COP1: variants seen among roughly 807,000 people sequenced by gnomAD.
COP1 encodes E3 ubiquitin-protein ligase COP1.
A neutral mutation model predicts 101.3 loss-of-function variants in COP1; 24 were observed. That is an observed-to-expected ratio of 0.24 (90% CI 0.17 to 0.33). The LOEUF is 0.33. COP1 is among the 10% of genes least tolerant of loss of function. COP1 has a pLI of 1.00. For synonymous variants in COP1, 347 were observed against 341.9 expected (o/e 1.01, Z -0.17); for missense variants, 663 against 906.2 (o/e 0.73, Z 3.45).
At chr1:176,118,397 A>G (rs1686563672) in intron 8 of COP1, among the ~76,000 whole-genome samples, 1 of 152,194 alleles carries the variant, frequency 6.6e-6, no homozygotes, top group Non-Finnish European at 1.5e-5. Flanking sequence ...AATTACACGA[A>G]AGAAAGAAGT....
chr1:175,979,302 T>C (rs1655265887), intron 18 of COP1, among the ~76,000 whole-genome samples: 2 of 152,162 alleles, frequency 1.3e-5, no homozygotes, highest in Admixed American at 1.3e-4. Flanking sequence ...ACCACTGGTA[T>C]AAATAAATTT....
intron 1 of COP1, among the ~76,000 whole-genome samples, chr1:176,194,365 C>T (rs1055797479): frequency 2.6e-5 from 4 of 152,136 alleles, no homozygotes; most frequent in East Asian, 1.9e-4. Context: ...GTTGGCTGGG[C>T]GCAGTGGCTC....
intron 19 of COP1, among the ~76,000 whole-genome samples, chr1:175,946,457 G>A (rs1396511641): frequency 1.3e-5 from 2 of 152,158 alleles, no homozygotes; most frequent in African/African-American, 2.4e-5. Context: ...CACACGTTAT[G>A]TTAAAAAACT....
At chr1:176,080,771 G>A (rs1207786234) in intron 11 of COP1, among the ~76,000 whole-genome samples, 1 of 152,138 alleles carries the variant, frequency 6.6e-6, no homozygotes, top group African/African-American at 2.4e-5. Context: ...TGAATTGGTA[G>A]TTAAAATTCT....
chr1:176,135,600 T>C (rs1689672159), intron 7 of COP1, among the ~76,000 whole-genome samples: 1 of 152,056 alleles, frequency 6.6e-6, no homozygotes, highest in Non-Finnish European at 1.5e-5. Flanking sequence ...ATATCAGCTT[T>C]GTTTAATAAT....
At chr1:176,114,229 A>G (rs997670026) in intron 9 of COP1, among the ~76,000 whole-genome samples, 10 of 152,134 alleles carry the variant, frequency 6.6e-5, no homozygotes, top group Non-Finnish European at 1.2e-4. Flanking sequence ...ATTATGTCTT[A>G]CAAAAAGACT....
chr1:176,049,590 C>A (rs1274314710), intron 11 of COP1, among the ~76,000 whole-genome samples: 1 of 151,782 alleles, frequency 6.6e-6, no homozygotes, highest in Non-Finnish European at 1.5e-5. Flanking sequence ...CTCAAACCAC[C>A]TTTTTTAGTG....
Position 176,135,051 on chromosome 1 carries a change from A to G in COP1, c.927T>C (p.Asp309=), listed in dbSNP as rs1276443286. 1.9e-5 allele frequency: 31 copies of G among 1,611,000 alleles called. No homozygotes were observed. The highest frequency in any genetic ancestry group is 2.5e-5 in the Non-Finnish European group (29 of 1,177,754). ...GAGCTTCAAATTGAGGCACTGTGCT[A>G]TCCTCACTGACAGGAGAGTATAAGC... ...MSGLYSPVSE[D]STVPQFEAPS... The change falls in exon 8 of 20, where the codon GAT becomes GAC. Residue 309 remains aspartate, a synonymous_variant. Transcript: ENST00000367669.
intron 19 of COP1, among the ~76,000 whole-genome samples, chr1:175,945,769 C>T (rs1649092617): frequency 6.6e-6 from 1 of 152,200 alleles, no homozygotes. Context: ...AGTTATGAGA[C>T]ACTGTCAAAA....
intron 15 of COP1, among the ~76,000 whole-genome samples, chr1:176,015,725 T>C (rs911083771): frequency 4.0e-5 from 6 of 151,886 alleles, no homozygotes; most frequent in African/African-American, 1.4e-4. Context: ...ATGGAAGAAA[T>C]AGAGGAGTGG....
At chr1:176,063,412 T>C (rs968967193) in intron 11 of COP1, among the ~76,000 whole-genome samples, 1 of 152,334 alleles carries the variant, frequency 6.6e-6, no homozygotes, top group Admixed American at 6.5e-5. Context: ...AAATTCAAAC[T>C]TTATGCTTTA....
At chr1:176,080,439 G>A (rs1207425984) in intron 11 of COP1, among the ~76,000 whole-genome samples, 1 of 151,976 alleles carries the variant, frequency 6.6e-6, no homozygotes, top group Non-Finnish European at 1.5e-5. Flanking sequence ...AATGATAACA[G>A]AAAACAAAAA....
intron 18 of COP1, among the ~76,000 whole-genome samples, chr1:175,951,275 T>C (rs1362116007): frequency 1.3e-5 from 2 of 149,860 alleles, no homozygotes; most frequent in Non-Finnish European, 3.0e-5. Context: ...AATAAATATA[T>C]AAAATATAAT....
intron 5 of COP1, among the ~76,000 whole-genome samples, chr1:176,151,815 G>A (rs551147085): frequency 6.6e-6 from 1 of 152,172 alleles, no homozygotes; most frequent in South Asian, 2.1e-4. Flanking sequence ...AATAACTAAT[G>A]TAACTGATTT....
Position 176,010,166 on chromosome 1 carries a change from GTCTC to G in COP1, c.1729+17402_1729+17405del, listed in dbSNP as rs142428186. Among the ~76,000 whole-genome samples the G allele has an allele frequency of 3.1e-3, 458 of 150,130 alleles. 2 individuals are homozygous for G. The highest frequency in any genetic ancestry group is 0.01 in the African/African-American group (430 of 41,254). ...ACACCCCAAACACACACCGCCTCTT[GTCTC>G]TCTCTCTCTCTGCCCCCTGTACCGC... On this transcript the variant is annotated intron_variant, in intron 15 of 19. Coordinates refer to ENST00000367669, the MANE Select transcript of COP1 (RefSeq NM_022457.7).
At chr1:175,957,680 G>A (rs1299654344) in intron 18 of COP1, among the ~76,000 whole-genome samples, 1 of 152,056 alleles carries the variant, frequency 6.6e-6, no homozygotes, top group Non-Finnish European at 1.5e-5. Context: ...GCCACTCCTA[G>A]GTATTTATCC....
rs975525533 is a variant in COP1 at position 176,004,859 on chromosome 1, G to A, written c.1730-15380C>T. 2.6e-4 allele frequency among the ~76,000 whole-genome samples: 39 copies of A among 151,566 alleles called. 1 individual carries two copies. Reference sequence around the variant, plus strand: ...CCGGCTTTGGTGTCAGCATGATGCTGGCCTCATAAAATGAGTTAGGGAGGA... The same window carrying A: ...CCGGCTTTGGTGTCAGCATGATGCTAGCCTCATAAAATGAGTTAGGGAGGA... On this transcript the variant is annotated intron_variant, in intron 15 of 19. Coordinates refer to ENST00000367669, the MANE Select transcript of COP1 (RefSeq NM_022457.7).
intron 8 of COP1, among the ~76,000 whole-genome samples, chr1:176,129,055 A>T (rs1688492472): frequency 6.6e-6 from 1 of 151,962 alleles, no homozygotes; most frequent in Non-Finnish European, 1.5e-5. Flanking sequence ...GGTAAACTAG[A>T]GGAATTTCTT....
At chr1:176,027,734 AT>A in intron 14 of COP1, 46 bp from the exon 15 acceptor site, 1 of 1,097,340 alleles carries the variant, frequency 9.1e-7, no homozygotes, top group Non-Finnish European at 1.4e-6. Flanking sequence ...CAAGTAATAC[AT>A]TAGTAAATGC....
Sources: gnomAD v4.1 joint callset for allele counts (sites outside exome capture counted in the v4.1 genomes callset) on GRCh38, gnomAD v4.1.1 for gene constraint, MANE v1.5 for transcripts, NCBI Gene and HGNC (gene_info 2026-07-23, HGNC 2026-07-21) for gene names.